Variants in GRXCR1 observed in about 807,000 individuals in gnomAD.
GRXCR1 encodes the protein glutaredoxin and cysteine rich domain containing 1, also known as glutaredoxin domain-containing cysteine-rich protein 1.
Under a neutral mutation model 27.3 loss-of-function variants are expected in GRXCR1, and 27 were observed. The ratio of observed to expected loss-of-function variants is 0.99; its 90% CI spans 0.73 to 1.37. The LOEUF (loss-of-function observed/expected upper bound fraction) is 1.37, where lower values mean the gene tolerates loss of function less well. GRXCR1 is among the 40% of genes most tolerant of loss of function. GRXCR1 has a pLI of 0.00. For synonymous variants in GRXCR1, 122 were observed against 131.1 expected, an observed-to-expected ratio of 0.93 and a Z score of 0.47; for missense variants, 379 against 354.4, an observed-to-expected ratio of 1.07 and a Z score of -0.56.
intron 1 of GRXCR1, among the ~76,000 whole-genome samples, chr4:42,902,232 A>C (rs575207535): frequency 6.6e-6 from 1 of 152,282 alleles, no homozygotes; most frequent in African/African-American, 2.4e-5. Flanking sequence ...TGAAGCAACA[A>C]ATGTTTGGTT....
intron 2 of GRXCR1, among the ~76,000 whole-genome samples, chr4:42,980,250 CT>C (rs1748625026): frequency 7.0e-6 from 1 of 143,090 alleles, no homozygotes; most frequent in East Asian, 2.0e-4. Flanking sequence ...TATTTGAGAT[CT>C]TTCTTCTTTG....
chr4:42,957,863 T>C (rs1050376043), intron 1 of GRXCR1, among the ~76,000 whole-genome samples: 4 of 151,934 alleles, frequency 2.6e-5, no homozygotes, highest in Non-Finnish European at 5.9e-5. Context: ...TTGTTGAGCT[T>C]CCTCAAAACA....
intron 1 of GRXCR1, among the ~76,000 whole-genome samples, chr4:42,893,958 C>T (rs892745120): frequency 8.5e-5 from 13 of 152,058 alleles, no homozygotes; most frequent in African/African-American, 3.1e-4. Context: ...CTATGCTGTT[C>T]AAAGCATTTG....
intron 2 of GRXCR1, among the ~76,000 whole-genome samples, chr4:43,011,058 C>T (rs1712734479): frequency 6.6e-6 from 1 of 152,216 alleles, no homozygotes; most frequent in Admixed American, 6.5e-5. Flanking sequence ...AGCCTCCCAA[C>T]ACATCCTCTT....
chr4:42,945,838 A>G (rs922950275), intron 1 of GRXCR1, among the ~76,000 whole-genome samples: 1 of 152,130 alleles, frequency 6.6e-6, no homozygotes, highest in African/African-American at 2.4e-5. Context: ...TCACAAATAC[A>G]TGTTTTTGAG....
At position 42,899,773 on chromosome 4, in the gene GRXCR1, A is replaced by G. The variant is rs948431605; in HGVS notation, c.384+6123A>G. Among the ~76,000 whole-genome samples the G allele has an allele frequency of 2.0e-5, 3 of 152,142 alleles. No homozygotes were observed. The South Asian group carries it at 6.2e-4, about 32-fold the overall frequency. ...TCCTTCTAAAGTTAGTTCAATTAAT[A>G]TCTAAGTTGGAAAATCACATTTTTT... On this transcript the variant is annotated intron_variant, in intron 1 of 3. Transcript: ENST00000399770.
intron 1 of GRXCR1, among the ~76,000 whole-genome samples, chr4:42,914,521 T>C (rs764411742): frequency 2.6e-5 from 4 of 152,238 alleles, no homozygotes; most frequent in Non-Finnish European, 5.9e-5. Flanking sequence ...ATCTGGGAAG[T>C]AACTAACTTG....
Position 42,970,614 on chromosome 4 carries a change from G to C in GRXCR1, c.627+7480G>C, listed in dbSNP as rs143960946. ...CTGGAGCTGGAGTTGCTGGGATGTA[G>C]AGCAACATGTCCCAAGGCTGTACAG... is the stretch of plus-strand genomic sequence containing the variant. On this transcript the variant is annotated intron_variant, in intron 2 of 3. Coordinates refer to ENST00000399770, the MANE Select transcript of GRXCR1 (RefSeq NM_001080476.3). Among the ~76,000 whole-genome samples the C allele has an allele frequency of 6.8e-3, 1,029 of 152,242 alleles. 10 individuals are homozygous for C. The highest frequency in any genetic ancestry group is 0.024 in the African/African-American group (993 of 41,554).
Position 43,023,070 on chromosome 4 carries a change from C to T in GRXCR1, c.693+2651C>T, listed in dbSNP as rs934502113. On this transcript the variant is annotated intron_variant, in intron 3 of 3. Coordinates refer to ENST00000399770, the MANE Select transcript of GRXCR1 (RefSeq NM_001080476.3). ...TTAATTAACTATGAACCTATGCTGC[C>T]ATGACTCTCAAATTAAGTGGCATGT... 2.6e-5 allele frequency among the ~76,000 whole-genome samples: 4 copies of T among 152,260 alleles called. No individual in the cohort carries two copies. In the East Asian group the frequency reaches 5.8e-4, roughly 22 times the overall value.
intron 1 of GRXCR1, among the ~76,000 whole-genome samples, chr4:42,907,963 A>G (rs1746633996): frequency 2.0e-5 from 3 of 152,162 alleles, no homozygotes; most frequent in Admixed American, 6.5e-5. Context: ...AATTCTAGCC[A>G]TTGGCAATGT....
At chr4:42,946,856 G>T (rs571939346) in intron 1 of GRXCR1, among the ~76,000 whole-genome samples, 2 of 152,262 alleles carry the variant, frequency 1.3e-5, no homozygotes, top group Non-Finnish European at 1.5e-5. Flanking sequence ...CAGTGTCTAT[G>T]ATCATGTTTC....
At chr4:43,025,838 G>T (rs1326182784) in intron 3 of GRXCR1, among the ~76,000 whole-genome samples, 2 of 152,028 alleles carry the variant, frequency 1.3e-5, no homozygotes, top group African/African-American at 4.8e-5. Context: ...TAGCCGGGCA[G>T]GGTGGTGGGC....
intron 2 of GRXCR1, among the ~76,000 whole-genome samples, chr4:43,010,547 T>C (rs1712714863): frequency 6.6e-6 from 1 of 152,044 alleles, no homozygotes; most frequent in Non-Finnish European, 1.5e-5. Flanking sequence ...TATGCCCAGA[T>C]GAATTTTAGA....
chr4:42,954,375 A>G (rs552940847), intron 1 of GRXCR1, among the ~76,000 whole-genome samples: 1 of 152,252 alleles, frequency 6.6e-6, no homozygotes, highest in Non-Finnish European at 1.5e-5. Context: ...ATTTTAGAAC[A>G]GGGTGGTCCT....
intron 2 of GRXCR1, among the ~76,000 whole-genome samples, chr4:43,012,789 T>C (rs1712800180): frequency 6.6e-6 from 1 of 152,120 alleles, no homozygotes; most frequent in Non-Finnish European, 1.5e-5. Context: ...TATTTCTTTT[T>C]TAAAAAAAAC....
intron 2 of GRXCR1, among the ~76,000 whole-genome samples, chr4:43,006,934 G>A (rs1577942311): frequency 6.6e-6 from 1 of 152,126 alleles, no homozygotes; most frequent in African/African-American, 2.4e-5. Flanking sequence ...CAAGCTGGCT[G>A]ACACTTAAGG....
At chr4:43,011,652 A>G (rs998910273) in intron 2 of GRXCR1, among the ~76,000 whole-genome samples, 4 of 152,150 alleles carry the variant, frequency 2.6e-5, no homozygotes, top group Non-Finnish European at 5.9e-5. Context: ...GTTTTCTGCT[A>G]GGATCCTAAA....
intron 2 of GRXCR1, among the ~76,000 whole-genome samples, chr4:43,013,713 C>G (rs917843987): frequency 6.6e-6 from 1 of 152,174 alleles, no homozygotes; most frequent in African/African-American, 2.4e-5. Flanking sequence ...AGACAACAAT[C>G]TTAATCTTTT....
chr4:42,980,032 T>C (rs1250984502), intron 2 of GRXCR1, among the ~76,000 whole-genome samples: 4 of 151,660 alleles, frequency 2.6e-5, no homozygotes, highest in Non-Finnish European at 4.4e-5. Context: ...TACCTAATTT[T>C]ATTTTAGTCC....
Sources: allele counts gnomAD v4.1 joint callset (sites outside exome capture counted in the v4.1 genomes callset), GRCh38; gene constraint gnomAD v4.1.1; transcripts MANE v1.5; gene names NCBI Gene and HGNC (gene_info 2026-07-23, HGNC 2026-07-21).